The following LDB2 variants were observed in gnomAD, a reference collection of about 807,000 sequenced individuals.
LDB2 encodes LIM domain-binding protein 2.
LDB2 carries 12 observed loss-of-function variants against 44.3 expected under a neutral mutation model. The observed-to-expected ratio is 0.27, with a 90% CI of 0.17 to 0.44. The LOEUF is 0.44. LDB2 is among the 20% of genes least tolerant of loss of function. The probability of loss-of-function intolerance (pLI) is 1.00; values close to 1 mark genes in which losing one functional copy is unlikely to be tolerated. For synonymous variants in LDB2, 164 were observed against 174.8 expected, an observed-to-expected ratio of 0.94 and a Z score of 0.49; for missense variants, 344 against 473.5, an observed-to-expected ratio of 0.73 and a Z score of 2.54.
intron 2 of LDB2, among the ~76,000 whole-genome samples, chr4:16,614,519 C>T (rs1242952633): frequency 1.3e-5 from 2 of 148,918 alleles, no homozygotes; most frequent in African/African-American, 2.5e-5. Context: ...CAATCTATCC[C>T]TCTGACAAAG....
intron 1 of LDB2, among the ~76,000 whole-genome samples, chr4:16,845,506 A>C (rs749064280): frequency 2.8e-4 from 43 of 152,264 alleles, no homozygotes; most frequent in Middle Eastern, 6.8e-3. Flanking sequence ...TGTTCCATAA[A>C]TGTTTGTTAT....
chr4:16,875,227 A>AG (rs1279043397), intron 1 of LDB2, among the ~76,000 whole-genome samples: 2 of 152,212 alleles, frequency 1.3e-5, no homozygotes, highest in Non-Finnish European at 2.9e-5. Context: ...ATACAAGGAA[A>AG]GGGGTTATCA....
At chr4:16,888,311 G>T (rs1423367129) in intron 1 of LDB2, among the ~76,000 whole-genome samples, 1 of 152,212 alleles carries the variant, frequency 6.6e-6, no homozygotes, top group Non-Finnish European at 1.5e-5. Flanking sequence ...TTCTTAAATG[G>T]AGAAAACACC....
At chr4:16,561,573 A>G (rs991768861) in intron 5 of LDB2, among the ~76,000 whole-genome samples, 1 of 152,232 alleles carries the variant, frequency 6.6e-6, no homozygotes, top group Non-Finnish European at 1.5e-5. Context: ...AAAAGAGGAT[A>G]CAAACAAATG....
At chr4:16,621,332 C>A (rs1025214364) in intron 2 of LDB2, among the ~76,000 whole-genome samples, 4 of 152,168 alleles carry the variant, frequency 2.6e-5, no homozygotes, top group African/African-American at 9.7e-5. Context: ...GCCTTAGACT[C>A]TGTCTTGGTC....
chr4:16,803,132 T>C (rs1364534869), intron 1 of LDB2, among the ~76,000 whole-genome samples: 1 of 152,246 alleles, frequency 6.6e-6, no homozygotes, highest in African/African-American at 2.4e-5. Flanking sequence ...ATGGCATAGC[T>C]TATTTGTGCA....
At chr4:16,648,019 C>A (rs533523446) in intron 2 of LDB2, among the ~76,000 whole-genome samples, 1 of 152,154 alleles carries the variant, frequency 6.6e-6, no homozygotes, top group Non-Finnish European at 1.5e-5. Flanking sequence ...GTCTGTCTTC[C>A]CCTAGTGGAA....
chr4:16,680,092 G>A (rs1747428880), intron 2 of LDB2, among the ~76,000 whole-genome samples: 1 of 152,124 alleles, frequency 6.6e-6, no homozygotes, highest in Non-Finnish European at 1.5e-5. Context: ...GAGCCCTCGT[G>A]AATAGGATTA....
chr4:16,749,629 T>C (rs1421834626), intron 2 of LDB2, among the ~76,000 whole-genome samples: 19 of 150,904 alleles, frequency 1.3e-4, no homozygotes, highest in Admixed American at 1.3e-3. Context: ...CCTTGTTCTT[T>C]TGTGGACAAA....
Position 16,588,723 on chromosome 4 carries a change from A to G in LDB2, c.518T>C (p.Ile173Thr). 6.2e-7 allele frequency: 1 copy of G among 1,613,962 alleles called. No individual in the cohort carries two copies. The highest frequency in any genetic ancestry group is 1.1e-5 in the South Asian group (1 of 91,018). Reference protein sequence around the residue: ...RQYRELVPRSILAMHAQDPQV... With the variant: ...RQYRELVPRSTLAMHAQDPQV... The stretch of plus-strand genomic sequence containing the variant: ...TAAATTACTTACATGCATGGCTAGG[A>G]TGCTTCTCGGGACTAACTCTCGGTA... The change falls in exon 4 of 8, where the codon ATC becomes ACC. Residue 173 changes from isoleucine to threonine, a missense_variant. By Grantham distance (89) the Ile-to-Thr change is moderately conservative. Coordinates refer to ENST00000304523, the MANE Select transcript of LDB2 (RefSeq NM_001290.5).
intron 1 of LDB2, among the ~76,000 whole-genome samples, chr4:16,882,827 T>C (rs1416320028): frequency 1.3e-5 from 2 of 152,194 alleles, no homozygotes; most frequent in South Asian, 2.1e-4. Context: ...ATCATTTCCA[T>C]GCAGTTTAAT....
intron 2 of LDB2, among the ~76,000 whole-genome samples, chr4:16,669,286 A>G (rs1163296030): frequency 6.6e-6 from 1 of 152,166 alleles, no homozygotes; most frequent in Non-Finnish European, 1.5e-5. Flanking sequence ...TCCTTGCCCT[A>G]TACTGTGCTG....
intron 1 of LDB2, among the ~76,000 whole-genome samples, chr4:16,825,809 A>G (rs1782950438): frequency 6.6e-6 from 1 of 152,164 alleles, no homozygotes. Flanking sequence ...TATGAGATAC[A>G]ATACACAGGC....
At chr4:16,559,722 G>C (rs1353677635) in intron 5 of LDB2, among the ~76,000 whole-genome samples, 1 of 152,090 alleles carries the variant, frequency 6.6e-6, no homozygotes, top group Non-Finnish European at 1.5e-5. Context: ...GGACCTAATA[G>C]ACATCTACAG....
chr4:16,867,133 G>C (rs1253282000), intron 1 of LDB2, among the ~76,000 whole-genome samples: 1 of 152,178 alleles, frequency 6.6e-6, no homozygotes. Flanking sequence ...GCACAGTCAG[G>C]AGCCAACATC....
chr4:16,519,545 G>T (rs1008436047), intron 5 of LDB2, among the ~76,000 whole-genome samples: 2 of 151,420 alleles, frequency 1.3e-5, no homozygotes, highest in African/African-American at 4.8e-5. Context: ...TTTGCAAATG[G>T]TATTGATCGA....
intron 2 of LDB2, among the ~76,000 whole-genome samples, chr4:16,748,455 C>T (rs748324762): frequency 3.3e-5 from 5 of 152,170 alleles, no homozygotes; most frequent in Non-Finnish European, 7.4e-5. Context: ...ATAAATAAAA[C>T]ATACCCTGAT....
chr4:16,826,065 C>A (rs1029795614), intron 1 of LDB2, among the ~76,000 whole-genome samples: 17 of 151,502 alleles, frequency 1.1e-4, no homozygotes, highest in Admixed American at 6.6e-5. Context: ...TTATATATAT[C>A]TATCTAATCT....
At chr4:16,527,207 A>T (rs1006769819) in intron 5 of LDB2, among the ~76,000 whole-genome samples, 1 of 152,216 alleles carries the variant, frequency 6.6e-6, no homozygotes, top group African/African-American at 2.4e-5. Context: ...CAGAATTCTC[A>T]GGAGCAGAGG....
Sources: allele counts gnomAD v4.1 joint callset (sites outside exome capture counted in the v4.1 genomes callset), GRCh38; gene constraint gnomAD v4.1.1; transcripts MANE v1.5; gene names NCBI Gene and HGNC (gene_info 2026-07-23, HGNC 2026-07-21).